SYNE1: variants seen among roughly 807,000 people sequenced by gnomAD.
SYNE1 encodes the protein nesprin-1.
A neutral mutation model predicts 1,111.0 loss-of-function variants in SYNE1; 616 were observed. The ratio of observed to expected loss-of-function variants is 0.55; its 90% CI spans 0.52 to 0.59. The LOEUF (loss-of-function observed/expected upper bound fraction) is 0.59. Among genes scored for constraint, SYNE1 ranks in the 20% least tolerant of loss-of-function variants. The pLI, the probability that SYNE1 is intolerant of heterozygous loss-of-function variation, is 0.00. For synonymous variants in SYNE1, 3,855 were observed against 3,825.8 expected (o/e 1.01, Z -0.28); for missense variants, 10,006 against 10,417.0 (o/e 0.96, Z 1.72).
At position 152,155,193 on chromosome 6, in the gene SYNE1, G is replaced by A; in HGVS notation, c.23979-151C>T. The A allele has an allele frequency of 3.7e-6, 3 of 809,876 alleles. No individual in the cohort carries two copies. The South Asian group carries it at 5.0e-5, about 13-fold the overall frequency. 50.2% of individuals were successfully genotyped at this position (809,876 alleles called of 1,614,324 possible). On this transcript the variant is annotated intron_variant, in intron 132 of 145. Transcript: ENST00000367255. ...ATTCCTCGAGCCAAATTTGACCAGA[G>A]AGCAAGAGAGACAACTGCTTGAGCT...
chr6:152,350,613 C>G lies in SYNE1; in HGVS notation c.11733+5G>C. 1.2e-6 allele frequency: 2 copies of G among 1,614,138 alleles called. No homozygotes were observed. Among genetic ancestry groups the G allele is most frequent in the Non-Finnish European group, 1.7e-6 (2 of 1,180,012 alleles). On this transcript the variant is annotated splice_donor_5th_base_variant and intron_variant, in intron 71 of 145. Coordinates refer to ENST00000367255, the MANE Select transcript of SYNE1 (RefSeq NM_182961.4). Reference sequence around the variant, plus strand: ...CCTTTTACGGAGTCTTTCATCTCTCCTTACCTTTCCTATGCTGCACAGGTC... The same window carrying G: ...CCTTTTACGGAGTCTTTCATCTCTCGTTACCTTTCCTATGCTGCACAGGTC...
chr6:152,543,200 T>C (rs961954276), intron 3 of SYNE1, among the ~76,000 whole-genome samples: 31 of 152,168 alleles, frequency 2.0e-4, no homozygotes, highest in African/African-American at 6.0e-4. Context: ...AAATTATCTT[T>C]TTTGTAGCAC....
At chr6:152,431,906 G>A (rs947993294) in intron 34 of SYNE1, among the ~76,000 whole-genome samples, 6 of 151,896 alleles carry the variant, frequency 4.0e-5, no homozygotes, top group Non-Finnish European at 5.9e-5. Context: ...ATATTTTTTA[G>A]AAAAATTAAT....
chr6:152,362,084 G>T, intron 64 of SYNE1, 86 bp downstream of exon 64: 1 of 1,585,388 alleles, frequency 6.3e-7, no homozygotes, highest in Non-Finnish European at 8.7e-7. Context: ...ACTGCCCTAG[G>T]GTACACGTAA....
At chr6:152,455,281 G>T (rs1490287237) in intron 24 of SYNE1, 145 bp downstream of exon 24, 3 of 763,576 alleles carry the variant, frequency 3.9e-6, no homozygotes, top group East Asian at 5.4e-5. Flanking sequence ...CCATATCTTT[G>T]GGTCTCATAC....
At chr6:152,521,109 C>T (rs780429177) in intron 5 of SYNE1, among the ~76,000 whole-genome samples, 2 of 152,086 alleles carry the variant, frequency 1.3e-5, no homozygotes, top group Non-Finnish European at 1.5e-5. Flanking sequence ...AAAAAGAATG[C>T]TTAGTTTTTA....
At chr6:152,620,026 A>AT (rs1265441085) in intron 3 of SYNE1, among the ~76,000 whole-genome samples, 1 of 152,198 alleles carries the variant, frequency 6.6e-6, no homozygotes, top group Non-Finnish European at 1.5e-5. Context: ...ATTTTAAATG[A>AT]TAGGCAGGCA....
At chr6:152,257,621 A>G (rs2091139500) in intron 101 of SYNE1, among the ~76,000 whole-genome samples, 1 of 152,236 alleles carries the variant, frequency 6.6e-6, no homozygotes, top group Non-Finnish European at 1.5e-5. Context: ...TAAGACATAA[A>G]TAAATTAGAA....
chr6:152,176,625 A>G (rs1586910688), intron 129 of SYNE1, 65 bp from the exon 130 acceptor site: 2 of 1,493,772 alleles, frequency 1.3e-6, no homozygotes, highest in South Asian at 1.1e-5. Flanking sequence ...GCCCAGCTCT[A>G]CTAGAAACAT....
intron 3 of SYNE1, among the ~76,000 whole-genome samples, chr6:152,542,025 AC>A (rs1357810961): frequency 3.9e-5 from 6 of 152,100 alleles, no homozygotes; most frequent in Non-Finnish European, 8.8e-5. Context: ...AATTTTATCC[AC>A]CCCACCAGCA....
At position 152,336,904 on chromosome 6, in the gene SYNE1, G is replaced by T. The variant is rs764627385; in HGVS notation, c.12465C>A (p.Asn4155Lys). The change falls in exon 76 of 146, where the codon AAC (asparagine) becomes AAA (lysine). Residue 4155 changes from asparagine (N) to lysine (K), a missense_variant. Around this residue, in one of 7 missense-constraint regions of SYNE1, gnomAD observed 4,955 missense variants for 5,017.2 expected, o/e 0.99. Coordinates refer to ENST00000367255, the MANE Select transcript of SYNE1 (RefSeq NM_182961.4). ...YLQDADQQLQNMKRRHSELEL... is the reference protein window; with the variant it reads ...YLQDADQQLQKMKRRHSELEL... ...CCAGCTCAGAGTGCCTCCTCTTCAT[G>T]TTCTGCAGTTGCTGATCAGCATCTT... The T allele has an allele frequency of 6.2e-7, 1 of 1,614,114 alleles. No homozygotes were observed.
At position 152,199,066 on chromosome 6, in the gene SYNE1, G is replaced by A. The variant is rs145036640; in HGVS notation, c.23145+2758C>T. Among the ~76,000 whole-genome samples the A allele has an allele frequency of 2.2e-3, 334 of 151,868 alleles. 1 individual carries two copies. The highest frequency in any genetic ancestry group is 3.3e-3 in the Non-Finnish European group (226 of 67,952). On this transcript the variant is annotated intron_variant, in intron 127 of 145. Transcript: ENST00000367255. ...ACTAAAACAAGTGCAATAAAATGAG[G>A]TTTGCCCATATTTCATTTGCTTCCA...
chr6:152,484,698 C>G (rs2098930205), intron 13 of SYNE1, 137 bp downstream of exon 13: 1 of 884,818 alleles, frequency 1.1e-6, no homozygotes, highest in South Asian at 1.7e-5. Context: ...GGCAAAGATT[C>G]TCCCATAGTT....
chr6:152,485,672 T>A (rs1423993649), intron 12 of SYNE1, among the ~76,000 whole-genome samples: 2 of 152,144 alleles, frequency 1.3e-5, no homozygotes, highest in African/African-American at 4.8e-5. Context: ...AATTAACCCA[T>A]CCTAAAATAT....
intron 100 of SYNE1, among the ~76,000 whole-genome samples, chr6:152,265,188 G>A (rs900298892): frequency 3.1e-5 from 4 of 130,190 alleles, no homozygotes; most frequent in African/African-American, 5.8e-5. Flanking sequence ...CCTGGGCAAC[G>A]CAGCAAGACT....
chr6:152,582,149 C>T (rs1179943071), intron 3 of SYNE1, among the ~76,000 whole-genome samples: 1 of 152,114 alleles, frequency 6.6e-6, no homozygotes, highest in Non-Finnish European at 1.5e-5. Flanking sequence ...GACTTCCCAC[C>T]AGCTGCCTGC....
At chr6:152,553,341 T>C (rs2099354198) in intron 3 of SYNE1, among the ~76,000 whole-genome samples, 1 of 152,178 alleles carries the variant, frequency 6.6e-6, no homozygotes, top group South Asian at 2.1e-4. Context: ...ATAGGCAATG[T>C]AGACGCAATT....
chr6:152,512,094 A>G (rs375457468), intron 6 of SYNE1, among the ~76,000 whole-genome samples: 1 of 151,810 alleles, frequency 6.6e-6, no homozygotes, highest in Non-Finnish European at 1.5e-5. Flanking sequence ...CATTTTTTTT[A>G]TTTAAATTTG....
At chr6:152,507,258 A>G (rs940275559) in intron 8 of SYNE1, among the ~76,000 whole-genome samples, 6 of 152,230 alleles carry the variant, frequency 3.9e-5, no homozygotes, top group Non-Finnish European at 8.8e-5. Context: ...TTTTAACAAA[A>G]TTAAGTGGGG....
Sources: gnomAD v4.1 joint callset for allele counts (sites outside exome capture counted in the v4.1 genomes callset) on GRCh38, gnomAD v4.1.1 for gene constraint, gnomAD v4.1.1 regional missense constraint, MANE v1.5 for transcripts, NCBI Gene and HGNC (gene_info 2026-07-23, HGNC 2026-07-21) for gene names.